The following ZNF804B variants were observed in gnomAD, a reference collection of about 807,000 sequenced individuals.
ZNF804B encodes zinc finger 804B.
A neutral mutation model predicts 101.4 loss-of-function variants in ZNF804B; 80 were observed. The ratio of observed to expected loss-of-function variants is 0.79; its 90% confidence interval spans 0.66 to 0.95. The LOEUF (loss-of-function observed/expected upper bound fraction) is 0.95, where lower values mean the gene tolerates loss of function less well. Ranked by LOEUF, ZNF804B falls within the 40% of genes least tolerant of loss-of-function variation. The probability of loss-of-function intolerance (pLI) is 0.00; values close to 1 mark genes in which losing one functional copy is unlikely to be tolerated. For missense variants in ZNF804B, 1,673 were observed against 1,561.9 expected (o/e 1.07, Z -1.20); for synonymous variants, 622 against 558.8 (o/e 1.11, Z -1.59).
chr7:89,089,166 C>T (rs1789848201), intron 1 of ZNF804B, among the ~76,000 whole-genome samples: 1 of 148,280 alleles, frequency 6.7e-6, no homozygotes, highest in Admixed American at 6.8e-5. Context: ...CAAAAGTTTT[C>T]CTTAATAACT....
intron 2 of ZNF804B, among the ~76,000 whole-genome samples, chr7:89,289,378 C>G (rs973234967): frequency 6.6e-6 from 1 of 151,566 alleles, no homozygotes; most frequent in Non-Finnish European, 1.5e-5. Context: ...CAACAAAAAA[C>G]CTTCTTAAGA....
chr7:89,168,018 C>G lies in ZNF804B; in HGVS notation c.109-50137C>G, dbSNP rs182326630. On this transcript the variant is annotated intron_variant, in intron 1 of 3. Coordinates refer to ENST00000333190, the MANE Select transcript of ZNF804B (RefSeq NM_181646.5). ...GTACATTGTAGTTGACTTTAAGTAC[C>G]AATAATATATATTTAAGCTTGTTTC... Among the ~76,000 whole-genome samples, 337 of 151,748 alleles carry G rather than the reference C, an allele frequency of 2.2e-3. 1 individual carries two copies. The highest frequency in any genetic ancestry group is 3.9e-3 in the Non-Finnish European group (262 of 67,874).
At chr7:89,084,720 T>TAC (rs201781861) in intron 1 of ZNF804B, among the ~76,000 whole-genome samples, 33 of 151,878 alleles carry the variant, frequency 2.2e-4, no homozygotes, top group African/African-American at 6.0e-4. Flanking sequence ...ACAATAGTAA[T>TAC]ACACACACAC....
intron 1 of ZNF804B, among the ~76,000 whole-genome samples, chr7:88,922,450 C>G (rs1792732857): frequency 6.6e-6 from 1 of 152,056 alleles, no homozygotes; most frequent in Admixed American, 6.6e-5. Context: ...TTTTACTAAA[C>G]TGTTGCATTC....
intron 1 of ZNF804B, among the ~76,000 whole-genome samples, chr7:88,837,877 A>G (rs1469815149): frequency 6.6e-6 from 1 of 151,738 alleles, no homozygotes; most frequent in Non-Finnish European, 1.5e-5. Flanking sequence ...TACCACCACT[A>G]ATCTCCCCAA....
At chr7:88,956,757 A>G (rs997619994) in intron 1 of ZNF804B, among the ~76,000 whole-genome samples, 2 of 151,400 alleles carry the variant, frequency 1.3e-5, no homozygotes, top group East Asian at 3.9e-4. Flanking sequence ...TTAATATAAA[A>G]TGTTATCTCA....
At chr7:89,015,753 T>G (rs931159436) in intron 1 of ZNF804B, among the ~76,000 whole-genome samples, 1 of 152,208 alleles carries the variant, frequency 6.6e-6, no homozygotes, top group Non-Finnish European at 1.5e-5. Flanking sequence ...ACATTTGGGT[T>G]GGTTCCAAGT....
chr7:89,218,675 G>C (rs1788932729), intron 2 of ZNF804B, among the ~76,000 whole-genome samples: 1 of 152,046 alleles, frequency 6.6e-6, no homozygotes, highest in Non-Finnish European at 1.5e-5. Context: ...GCCTACTGTT[G>C]ACCAGGAAGA....
chr7:89,285,865 G>C (rs191122814), intron 2 of ZNF804B, among the ~76,000 whole-genome samples: 169 of 152,262 alleles, frequency 1.1e-3, no homozygotes, highest in African/African-American at 3.8e-3. Context: ...CCTGGACAAA[G>C]CCTCCACCTC....
intron 1 of ZNF804B, among the ~76,000 whole-genome samples, chr7:88,894,117 C>G (rs982403646): frequency 2.0e-5 from 3 of 151,982 alleles, no homozygotes; most frequent in Non-Finnish European, 4.4e-5. Context: ...GGATAAAACA[C>G]TCTTTATAAG....
intron 1 of ZNF804B, among the ~76,000 whole-genome samples, chr7:89,156,035 T>TC (rs1263291808): frequency 3.6e-4 from 21 of 58,690 alleles, no homozygotes; most frequent in Admixed American, 9.6e-4. Context: ...TTTCTTTCTT[T>TC]CTTTCTTTCT....
chr7:88,904,543 GT>G (rs1468777318), intron 1 of ZNF804B, among the ~76,000 whole-genome samples: 1 of 152,114 alleles, frequency 6.6e-6, no homozygotes, highest in Non-Finnish European at 1.5e-5. Context: ...GCTTTGGGTA[GT>G]ATGGCAATTT....
At chr7:88,765,549 C>T (rs1448378658) in intron 1 of ZNF804B, among the ~76,000 whole-genome samples, 1 of 150,338 alleles carries the variant, frequency 6.7e-6, no homozygotes, top group Non-Finnish European at 1.5e-5. Flanking sequence ...AAGTGCCTTT[C>T]AGTGTGAAGT....
In ZNF804B at chr7:88,826,746, A is replaced by T. The variant is rs893777062; in HGVS notation, c.108+66662A>T. 8.5e-5 allele frequency among the ~76,000 whole-genome samples: 13 copies of T among 152,166 alleles called. 1 individual carries two copies. The highest frequency in any genetic ancestry group is 3.3e-4 in the Admixed American group (5 of 15,264). ...GGGAATTATTTTTAAATGAAAAATG[A>T]TGAATATATTTTGCATAGGTTACAT... On this transcript the variant is annotated intron_variant, in intron 1 of 3. Transcript: ENST00000333190.
chr7:88,773,836 G>T (rs1283951464), intron 1 of ZNF804B, among the ~76,000 whole-genome samples: 1 of 151,956 alleles, frequency 6.6e-6, no homozygotes, highest in African/African-American at 2.4e-5. Flanking sequence ...TCTTTTAAAT[G>T]ATCGGATCAC....
intron 1 of ZNF804B, among the ~76,000 whole-genome samples, chr7:88,952,376 A>T (rs977638979): frequency 1.3e-5 from 2 of 151,840 alleles, no homozygotes; most frequent in African/African-American, 4.8e-5. Context: ...AAAGCAATTT[A>T]TTAATAACCA....
intron 2 of ZNF804B, among the ~76,000 whole-genome samples, chr7:89,323,817 C>G (rs1285263064): frequency 6.6e-6 from 1 of 151,994 alleles, no homozygotes; most frequent in African/African-American, 2.4e-5. Context: ...GCTGTCTGTT[C>G]TCAATAAGAG....
In ZNF804B at chr7:89,307,339, G is replaced by A. The variant is rs150554878; in HGVS notation, c.250-20005G>A. 2.3e-3 allele frequency among the ~76,000 whole-genome samples: 349 copies of A among 151,954 alleles called. 2 individuals are homozygous for A. Among genetic ancestry groups the A allele is most frequent in the African/African-American group, 8.1e-3 (338 of 41,506 alleles). On this transcript the variant is annotated intron_variant, in intron 2 of 3. Coordinates refer to ENST00000333190, the MANE Select transcript of ZNF804B (RefSeq NM_181646.5). ...TCCTTTTAAAATAATATTTTAAAGTGGTTAATTGCATTCATGAAATTATTA... is the reference window on the plus strand; with the variant it reads ...TCCTTTTAAAATAATATTTTAAAGTAGTTAATTGCATTCATGAAATTATTA...
chr7:88,954,741 GATA>G (rs1793277881), intron 1 of ZNF804B, among the ~76,000 whole-genome samples: 1 of 151,666 alleles, frequency 6.6e-6, no homozygotes, highest in African/African-American at 2.4e-5. Context: ...TTTCTTCACT[GATA>G]ATATTTCAGC....
Sources: gnomAD v4.1 joint callset for allele counts (sites outside exome capture counted in the v4.1 genomes callset) on GRCh38, gnomAD v4.1.1 for gene constraint, MANE v1.5 for transcripts, NCBI Gene and HGNC (gene_info 2026-07-23, HGNC 2026-07-21) for gene names.